Variants in NEK10 observed in about 807,000 individuals in gnomAD.
The protein encoded by NEK10 is serine/threonine-protein kinase Nek10.
Under a neutral mutation model 159.8 loss-of-function variants are expected in NEK10, and 122 were observed. That is an observed-to-expected ratio of 0.76 (90% CI 0.66 to 0.89). The LOEUF is 0.89. NEK10 is among the 40% of genes least tolerant of loss of function. The pLI, the probability that NEK10 is intolerant of heterozygous loss-of-function variation, is 0.00. For synonymous variants in NEK10, 466 were observed against 457.1 expected (o/e 1.02, Z -0.25); for missense variants, 1,342 against 1,323.1 (o/e 1.01, Z -0.22).
chr3:27,138,317 C>G (rs1395790613), intron 31 of NEK10, among the ~76,000 whole-genome samples: 1 of 152,194 alleles, frequency 6.6e-6, no homozygotes, highest in Non-Finnish European at 1.5e-5. Flanking sequence ...GGGCACAGTA[C>G]CTCACTGTGG....
At position 27,284,568 on chromosome 3, in the gene NEK10, C is replaced by A. The variant is rs200995892; in HGVS notation, c.2014+34G>T. The stretch of plus-strand genomic sequence containing the variant: ...TACTCTAGGATAGTATTCAGGAATT[C>A]TTCAGTTAAAAGTTTAAAAATCTTT... On this transcript the variant is annotated intron_variant, in intron 22 of 35. Coordinates refer to ENST00000691995, the MANE Select transcript of NEK10 (RefSeq NM_001394966.1). 1.1e-4 allele frequency: 128 copies of A among 1,188,542 alleles called. No homozygotes were observed. The African/African-American group carries it at 1.8e-3, about 16-fold the overall frequency. 73.6% of individuals were successfully genotyped at this position (1,188,542 alleles called of 1,614,324 possible).
intron 25 of NEK10, among the ~76,000 whole-genome samples, chr3:27,195,582 A>G (rs1474039378): frequency 3.9e-5 from 6 of 152,210 alleles, no homozygotes; most frequent in Non-Finnish European, 7.3e-5. Context: ...GTCAGTTCTA[A>G]CTTATTGTGG....
chr3:27,306,192 GT>G (rs2044230689), intron 11 of NEK10, among the ~76,000 whole-genome samples: 1 of 152,138 alleles, frequency 6.6e-6, no homozygotes, highest in Admixed American at 6.5e-5. Flanking sequence ...AGAGCTCTTA[GT>G]GTTTTCTATT....
intron 23 of NEK10, among the ~76,000 whole-genome samples, chr3:27,242,312 A>G (rs1362458095): frequency 6.6e-6 from 1 of 152,198 alleles, no homozygotes; most frequent in Admixed American, 6.5e-5. Context: ...TACAGATAAT[A>G]CTATCTACTT....
At chr3:27,158,926 C>T (rs1434750834) in intron 30 of NEK10, among the ~76,000 whole-genome samples, 1 of 151,958 alleles carries the variant, frequency 6.6e-6, no homozygotes, top group Admixed American at 6.6e-5. Context: ...TGAAAGGAAA[C>T]GATTATTTCT....
intron 1 of NEK10, among the ~76,000 whole-genome samples, chr3:27,354,218 G>T (rs1234671087): frequency 6.6e-6 from 1 of 152,150 alleles, no homozygotes; most frequent in Non-Finnish European, 1.5e-5. Flanking sequence ...GAGAGCCTAT[G>T]GAGAAGCTCA....
chr3:27,317,030 T>C (rs1284022167), intron 6 of NEK10, among the ~76,000 whole-genome samples: 1 of 152,194 alleles, frequency 6.6e-6, no homozygotes, highest in East Asian at 1.9e-4. Flanking sequence ...GTTTGAGAAG[T>C]GCTGCTATAG....
At chr3:27,285,801 A>G (rs1260560880) in intron 20 of NEK10, among the ~76,000 whole-genome samples, 1 of 152,144 alleles carries the variant, frequency 6.6e-6, no homozygotes. Context: ...GCTTTTTTTC[A>G]TTAAGCAGCC....
intron 23 of NEK10, among the ~76,000 whole-genome samples, chr3:27,239,525 G>A (rs943307304): frequency 3.3e-5 from 5 of 152,090 alleles, no homozygotes; most frequent in Admixed American, 6.6e-5. Flanking sequence ...AAATAAACCC[G>A]TCTTTGGAGA....
rs115558407 is a variant in NEK10 at position 27,210,494 on chromosome 3, A to T, written c.2091-7937T>A. Among the ~76,000 whole-genome samples, 849 of 152,268 alleles carry T rather than the reference A, an allele frequency of 5.6e-3. 12 individuals are homozygous for T. Among genetic ancestry groups the T allele is most frequent in the African/African-American group, 0.02 (814 of 41,550 alleles). On this transcript the variant is annotated intron_variant, in intron 23 of 35. Transcript: ENST00000691995. ...AAGTTTCAACCTAAGTTTTGGATGGAACAAACTTTCAAACCATAGCACTCT... is the reference window on the plus strand; with the variant it reads ...AAGTTTCAACCTAAGTTTTGGATGGTACAAACTTTCAAACCATAGCACTCT...
intron 31 of NEK10, among the ~76,000 whole-genome samples, chr3:27,140,994 A>C (rs1452927747): frequency 6.6e-6 from 1 of 152,140 alleles, no homozygotes; most frequent in Non-Finnish European, 1.5e-5. Context: ...ATTTTTTAGC[A>C]CTGATTATTT....
rs762201134 is a variant in NEK10, at chr3:27,284,680, G to A, written c.1936C>T (p.His646Tyr). ...CTATGGACAATCCTCTTCTCCTTGT[G>A]TAAGTATCGAAGAGCTAAGCACAGC... Reference protein sequence around the residue: ...IQLCLALRYLHKEKRIVHRDL... With the variant: ...IQLCLALRYLYKEKRIVHRDL... The change falls in exon 22 of 36, where the codon CAC (histidine) becomes TAC (tyrosine). Residue 646 changes from histidine to tyrosine, a missense_variant. His to Tyr is a moderately conservative substitution (Grantham distance 83). Coordinates refer to ENST00000691995, the MANE Select transcript of NEK10 (RefSeq NM_001394966.1). 6.2e-7 allele frequency: 1 copy of A among 1,609,542 alleles called. No individual in the cohort carries two copies. The highest frequency in any genetic ancestry group is 1.1e-5 in the South Asian group (1 of 91,000).
At chr3:27,271,942 G>A (rs921938751) in intron 22 of NEK10, among the ~76,000 whole-genome samples, 4 of 152,108 alleles carry the variant, frequency 2.6e-5, no homozygotes, top group Non-Finnish European at 5.9e-5. Flanking sequence ...TTACACTATA[G>A]CCCTACAATT....
At chr3:27,209,278 A>G (rs915234132) in intron 23 of NEK10, among the ~76,000 whole-genome samples, 2 of 152,230 alleles carry the variant, frequency 1.3e-5, no homozygotes, top group Non-Finnish European at 2.9e-5. Context: ...AAATTGCAGT[A>G]TTATTCATGT....
intron 23 of NEK10, among the ~76,000 whole-genome samples, chr3:27,203,489 G>A (rs183675253): frequency 2.0e-3 from 303 of 152,202 alleles, no homozygotes; most frequent in Non-Finnish European, 2.2e-3. Flanking sequence ...TTGTGAAGGC[G>A]AGTGTAGTTC....
chr3:27,147,416 T>TAGC (rs1352573551), intron 30 of NEK10, among the ~76,000 whole-genome samples: 1 of 152,238 alleles, frequency 6.6e-6, no homozygotes, highest in East Asian at 1.9e-4. Context: ...AGTCTAGGCC[T>TAGC]AGATGCCCCT....
At chr3:27,319,253 C>T (rs1335149871) in intron 6 of NEK10, among the ~76,000 whole-genome samples, 1 of 152,162 alleles carries the variant, frequency 6.6e-6, no homozygotes, top group Non-Finnish European at 1.5e-5. Context: ...GCTTGGGACT[C>T]GAGCTGTAAC....
At chr3:27,151,729 G>T (rs891177692) in intron 30 of NEK10, among the ~76,000 whole-genome samples, 1 of 152,196 alleles carries the variant, frequency 6.6e-6, no homozygotes, top group Non-Finnish European at 1.5e-5. Flanking sequence ...AGAGAAAGGT[G>T]AAGCCCAGTG....
At chr3:27,123,814 G>C (rs1941613073) in intron 32 of NEK10, among the ~76,000 whole-genome samples, 1 of 151,904 alleles carries the variant, frequency 6.6e-6, no homozygotes, top group African/African-American at 2.4e-5. Flanking sequence ...GGGGCGAGAA[G>C]AACATTACAG....
Sources: gnomAD v4.1 joint callset for allele counts (sites outside exome capture counted in the v4.1 genomes callset) on GRCh38, gnomAD v4.1.1 for gene constraint, MANE v1.5 for transcripts, NCBI Gene and HGNC (gene_info 2026-07-23, HGNC 2026-07-21) for gene names.